LHX8: variants seen among roughly 807,000 people sequenced by gnomAD.
The protein encoded by LHX8 is LIM/homeobox protein Lhx8.
In LHX8, 12 loss-of-function variants were observed where a neutral mutation model predicts 40.3. The ratio of observed to expected loss-of-function variants is 0.30; its 90% CI spans 0.19 to 0.48. LHX8 has a LOEUF of 0.48. Among genes scored for constraint, LHX8 ranks in the 20% least tolerant of loss-of-function variants. The probability of loss-of-function intolerance (pLI) is 0.99; values close to 1 mark genes in which losing one functional copy is unlikely to be tolerated. For missense variants in LHX8, 344 were observed against 433.7 expected, an observed-to-expected ratio of 0.79 and a Z score of 1.84; for synonymous variants, 179 against 162.0, an observed-to-expected ratio of 1.10 and a Z score of -0.80.
rs1444594359 is a variant in LHX8, at chr1:75,160,842, C to T, written c.988C>T (p.Leu330Phe). The change falls in exon 9 of 9, where the codon CTC (leucine) becomes TTC (phenylalanine). Residue 330 changes from leucine (L) to phenylalanine (F), a missense_variant. Coordinates refer to ENST00000356261, the MANE Select transcript of LHX8 (RefSeq NM_001256114.2). ...AGCTCATTCACCAACAACTCTTGGACTCCAGCCCTTGTTACCCCATTCAAT... is the reference window on the plus strand; with the variant it reads ...AGCTCATTCACCAACAACTCTTGGATTCCAGCCCTTGTTACCCCATTCAAT... ...MDAHSPTTLG[L>F]QPLLPHSMTQ... The T allele has an allele frequency of 2.5e-6, 4 of 1,612,974 alleles. No homozygotes were observed. Among genetic ancestry groups the T allele is most frequent in the East Asian group, 2.2e-5 (1 of 44,856 alleles).
the LHX8 span, among the ~76,000 whole-genome samples, chr1:75,193,529 C>A: frequency 1.3e-5 from 2 of 152,324 alleles, no homozygotes; most frequent in African/African-American, 4.8e-5. Context: ...ACATTTACTT[C>A]TAATGAGAGC....
chr1:75,138,461 A>G (rs926991589), intron 3 of LHX8, among the ~76,000 whole-genome samples: 4 of 152,194 alleles, frequency 2.6e-5, no homozygotes, highest in Non-Finnish European at 4.4e-5. Flanking sequence ...TTTAAAAATG[A>G]CTAAATTAAT....
chr1:75,178,592 T>C, the LHX8 span, among the ~76,000 whole-genome samples: 23 of 152,228 alleles, frequency 1.5e-4, no homozygotes, highest in African/African-American at 5.5e-4. Context: ...GCTAGAGGTC[T>C]ATCAATTTGT....
intron 3 of LHX8, among the ~76,000 whole-genome samples, chr1:75,138,400 C>T (rs1648212488): frequency 6.6e-6 from 1 of 152,102 alleles, no homozygotes; most frequent in Non-Finnish European, 1.5e-5. Context: ...GGGAATGCTA[C>T]CCTATAGATA....
At chr1:75,151,372 A>G (rs1261119337) in intron 7 of LHX8, among the ~76,000 whole-genome samples, 1 of 152,210 alleles carries the variant, frequency 6.6e-6, no homozygotes, top group Non-Finnish European at 1.5e-5. Context: ...CTAATAAGCA[A>G]TCTGAAAAAC....
chr1:75,133,798 A>T (rs181342358), upstream of LHX8, among the ~76,000 whole-genome samples: 2 of 152,342 alleles, frequency 1.3e-5, no homozygotes, highest in East Asian at 3.9e-4. Flanking sequence ...AGCAATACTC[A>T]TTAGCAACAT....
At chr1:75,186,219 G>T in the LHX8 span, among the ~76,000 whole-genome samples, 1 of 152,236 alleles carries the variant, frequency 6.6e-6, no homozygotes, top group East Asian at 1.9e-4. Context: ...AACCCAGAAA[G>T]AACTCAAACA....
At chr1:75,151,204 C>T (rs369561670) in intron 7 of LHX8, among the ~76,000 whole-genome samples, 80 of 152,232 alleles carry the variant, frequency 5.3e-4, no homozygotes, top group African/African-American at 1.8e-3. Flanking sequence ...TGGAAAAGAC[C>T]TGATGATACT....
At chr1:75,179,960 G>A in the LHX8 span, among the ~76,000 whole-genome samples, 1 of 152,152 alleles carries the variant, frequency 6.6e-6, no homozygotes, top group Non-Finnish European at 1.5e-5. Flanking sequence ...GCTTAGTTTA[G>A]CTGGATATGA....
At chr1:75,188,011 A>G in the LHX8 span, among the ~76,000 whole-genome samples, 1 of 152,186 alleles carries the variant, frequency 6.6e-6, no homozygotes, top group Non-Finnish European at 1.5e-5. Context: ...AGTGGCTTTC[A>G]TGCCCCTTCA....
At chr1:75,163,910 T>A (rs1648980146), downstream of LHX8, among the ~76,000 whole-genome samples, 1 of 152,178 alleles carries the variant, frequency 6.6e-6, no homozygotes, top group Non-Finnish European at 1.5e-5. Context: ...CCTTTGGCCT[T>A]CAGCCATGTG....
the LHX8 span, among the ~76,000 whole-genome samples, chr1:75,190,354 C>T: frequency 6.6e-6 from 1 of 151,904 alleles, no homozygotes; most frequent in African/African-American, 2.4e-5. Flanking sequence ...AAAATTTTGC[C>T]CTATATTTTT....
intron 4 of LHX8, among the ~76,000 whole-genome samples, chr1:75,142,702 TTATA>T (rs1462161345): frequency 6.6e-6 from 1 of 152,192 alleles, no homozygotes; most frequent in South Asian, 2.1e-4. Flanking sequence ...AAGTCATTAT[TTATA>T]TCTTCAGTTT....
At chr1:75,142,271 A>G (rs1184071906) in intron 4 of LHX8, among the ~76,000 whole-genome samples, 1 of 152,126 alleles carries the variant, frequency 6.6e-6, no homozygotes, top group Non-Finnish European at 1.5e-5. Flanking sequence ...AAAAAAACAA[A>G]GTGGTAATAG....
At chr1:75,166,760 A>C in the LHX8 span, among the ~76,000 whole-genome samples, 5 of 152,230 alleles carry the variant, frequency 3.3e-5, no homozygotes, top group Non-Finnish European at 7.3e-5. Flanking sequence ...GACAGGCTCC[A>C]CAGTAGAGCC....
chr1:75,152,276 G>A (rs1648632102), intron 7 of LHX8, among the ~76,000 whole-genome samples: 1 of 152,164 alleles, frequency 6.6e-6, no homozygotes, highest in South Asian at 2.1e-4. Context: ...ACGTTTCCTA[G>A]TTACAAATAT....
chr1:75,169,754 G>C, the LHX8 span, among the ~76,000 whole-genome samples: 1 of 152,164 alleles, frequency 6.6e-6, no homozygotes. Context: ...AGAAGGCCAA[G>C]CCCTTGAAAA....
chr1:75,181,313 C>A, the LHX8 span, among the ~76,000 whole-genome samples: 1 of 152,336 alleles, frequency 6.6e-6, no homozygotes, highest in East Asian at 1.9e-4. Context: ...GCCCTGCCCC[C>A]AGAGGTGGAG....
At chr1:75,186,463 G>T in the LHX8 span, among the ~76,000 whole-genome samples, 106 of 152,268 alleles carry the variant, frequency 7.0e-4, no homozygotes, top group African/African-American at 2.5e-3. Context: ...TTCAGTAAAT[G>T]GTGCTTCTGA....
Sources: gnomAD v4.1 joint callset for allele counts (sites outside exome capture counted in the v4.1 genomes callset) on GRCh38, gnomAD v4.1.1 for gene constraint, MANE v1.5 for transcripts, NCBI Gene and HGNC (gene_info 2026-07-23, HGNC 2026-07-21) for gene names.